Variants in MSI2 observed in about 807,000 individuals in gnomAD.
MSI2 encodes RNA-binding protein Musashi homolog 2.
In MSI2, 17 loss-of-function variants were observed where a neutral mutation model predicts 45.6. That is an observed-to-expected ratio of 0.37 (90% confidence interval 0.26 to 0.56). MSI2 has a LOEUF of 0.56. Among genes scored for constraint, MSI2 ranks in the 20% least tolerant of loss-of-function variants. The pLI, the probability that MSI2 is intolerant of heterozygous loss-of-function variation, is 0.77. For synonymous variants in MSI2, 156 were observed against 158.2 expected (o/e 0.99, Z 0.11); for missense variants, 293 against 444.2 (o/e 0.66, Z 3.06).
intron 3 of MSI2, 56 bp downstream of exon 3, chr17:57,257,603 T>G: frequency 7.6e-7 from 1 of 1,309,398 alleles, no homozygotes; most frequent in Non-Finnish European, 1.1e-6. Flanking sequence ...TTAAGTTTTA[T>G]TTTTGGAGGT....
intron 5 of MSI2, among the ~76,000 whole-genome samples, chr17:57,304,510 C>T (rs950740918): frequency 1.5e-4 from 23 of 150,638 alleles, no homozygotes; most frequent in Non-Finnish European, 2.1e-4. Flanking sequence ...GCAGCCTCCA[C>T]CTCCCCGGTT....
intron 6 of MSI2, among the ~76,000 whole-genome samples, chr17:57,526,356 G>GGTGGGT (rs1555618737): frequency 1.6e-5 from 2 of 122,562 alleles, no homozygotes; most frequent in Non-Finnish European, 3.4e-5. Context: ...GATATACCTG[G>GGTGGGT]GTGTGTGTGT....
intron 6 of MSI2, among the ~76,000 whole-genome samples, chr17:57,425,322 G>A (rs918910829): frequency 3.3e-5 from 5 of 152,120 alleles, no homozygotes; most frequent in Non-Finnish European, 5.9e-5. Context: ...GTTTAAAAAC[G>A]AAAAGACATA....
In MSI2 at chr17:57,684,305, G is replaced by A. The variant is rs959410459; in HGVS notation, c.*4788G>A. 69 of 196,890 alleles carry A rather than the reference G, an allele frequency of 3.5e-4. No individual in the cohort carries two copies. Among genetic ancestry groups the A allele is most frequent in the Middle Eastern group, 1.7e-3 (1 of 598 alleles). 12.2% of individuals were successfully genotyped at this position (196,890 alleles called of 1,614,324 possible). A position where few individuals can be genotyped will look rare whatever the true frequency, so the allele number is the denominator to read the frequency against. On this transcript the variant is annotated 3_prime_UTR_variant, in exon 14 of 14. Transcript: ENST00000284073. ...TATGTAATAGGATGCAAGTCTAAGCGTTTCATGTGGACATAAATGTATCTA... is the reference window on the plus strand; with the variant it reads ...TATGTAATAGGATGCAAGTCTAAGCATTTCATGTGGACATAAATGTATCTA...
chr17:57,341,060 G>A (rs771325840), intron 5 of MSI2, among the ~76,000 whole-genome samples: 7 of 152,200 alleles, frequency 4.6e-5, no homozygotes, highest in Non-Finnish European at 8.8e-5. Context: ...CAGGGCTGGT[G>A]TGAGAGAGCT....
the MSI2 span, among the ~76,000 whole-genome samples, chr17:57,694,840 C>G: frequency 1.3e-5 from 2 of 152,162 alleles, no homozygotes; most frequent in Non-Finnish European, 2.9e-5. Flanking sequence ...GCTTAACTCA[C>G]CCCTGGTCCT....
chr17:57,319,082 C>A (rs1012391507), intron 5 of MSI2, among the ~76,000 whole-genome samples: 1 of 152,212 alleles, frequency 6.6e-6, no homozygotes, highest in African/African-American at 2.4e-5. Flanking sequence ...CTCTTCTGAG[C>A]TGGTGATGGG....
At chr17:57,424,470 T>G (rs7216334) in intron 6 of MSI2, among the ~76,000 whole-genome samples, 143,980 of 152,298 alleles carry the variant, frequency 0.95, 68,575 homozygotes, top group South Asian at 1. Context: ...TGACTTGCGG[T>G]TTCCCTCTTT....
In MSI2 at chr17:57,339,946, G is replaced by A. The variant is rs553830904; in HGVS notation, c.313-61433G>A. ...GGCGGTCCCTCAGAAGCTCATCAGT[G>A]ACCGGGAATGGAACTGACTGCTATA... On this transcript the variant is annotated intron_variant, in intron 5 of 13. Coordinates refer to ENST00000284073, the MANE Select transcript of MSI2 (RefSeq NM_138962.4). 2.0e-5 allele frequency among the ~76,000 whole-genome samples: 3 copies of A among 152,272 alleles called. No individual in the cohort carries two copies. The South Asian group carries it at 6.2e-4, about 32-fold the overall frequency.
chr17:57,699,180 A>AGT, the MSI2 span, among the ~76,000 whole-genome samples: 24 of 12,406 alleles, frequency 1.9e-3, 3 homozygotes, highest in African/African-American at 6.8e-3. Flanking sequence ...AGAGAGAGAG[A>AGT]GAGTGTGTGT....
chr17:57,569,004 T>TA (rs1449376721), intron 7 of MSI2, among the ~76,000 whole-genome samples: 1 of 151,938 alleles, frequency 6.6e-6, no homozygotes, highest in Non-Finnish European at 1.5e-5. Context: ...TAGCCTCTTT[T>TA]AAAAATTTTT....
chr17:57,372,196 C>T (rs551095631), intron 5 of MSI2, among the ~76,000 whole-genome samples: 2 of 152,318 alleles, frequency 1.3e-5, no homozygotes, highest in East Asian at 3.9e-4. Context: ...AAACAGCCCT[C>T]TTCAGTGTAG....
At chr17:57,370,483 T>A (rs999604570) in intron 5 of MSI2, among the ~76,000 whole-genome samples, 1 of 152,204 alleles carries the variant, frequency 6.6e-6, no homozygotes, top group African/African-American at 2.4e-5. Context: ...ATCTGTGGCC[T>A]CTGTTGCTCT....
At chr17:57,351,851 T>TCA (rs1367668500) in intron 5 of MSI2, among the ~76,000 whole-genome samples, 21 of 152,210 alleles carry the variant, frequency 1.4e-4, no homozygotes, top group African/African-American at 4.6e-4. Flanking sequence ...TGAGACTGTG[T>TCA]CACACACACA....
At chr17:57,503,803 C>T (rs148265444) in intron 6 of MSI2, among the ~76,000 whole-genome samples, 2,307 of 152,266 alleles carry the variant, frequency 0.015, 63 homozygotes, top group African/African-American at 0.052. Flanking sequence ...GGAGTGCAGT[C>T]GCGCAATCGC....
intron 6 of MSI2, among the ~76,000 whole-genome samples, chr17:57,475,755 G>C (rs2085524906): frequency 6.6e-6 from 1 of 151,988 alleles, no homozygotes; most frequent in South Asian, 2.1e-4. Context: ...ATAGGAGCTA[G>C]TGAGAAAAGA....
At chr17:57,597,332 T>G (rs1053974894) in intron 8 of MSI2, among the ~76,000 whole-genome samples, 2 of 151,434 alleles carry the variant, frequency 1.3e-5, no homozygotes, top group African/African-American at 4.8e-5. Flanking sequence ...TTTTAACCAC[T>G]TAAAATGTAA....
chr17:57,679,732 C>A lies in MSI2; in HGVS notation c.*215C>A. On this transcript the variant is annotated 3_prime_UTR_variant, in exon 14 of 14. Coordinates refer to ENST00000284073, the MANE Select transcript of MSI2 (RefSeq NM_138962.4). ...AATCTGCTGTAATATAAGACAACAG[C>A]TTTTAAATGTGTATATAACCCATGA... 1 of 460,200 alleles carries A rather than the reference C, an allele frequency of 2.2e-6. No individual in the cohort carries two copies. Among genetic ancestry groups the A allele is most frequent in the South Asian group, 1.0e-4 (1 of 9,938 alleles). 28.5% of individuals were successfully genotyped at this position (460,200 alleles called of 1,614,324 possible). A position where few individuals can be genotyped will look rare whatever the true frequency, so the allele number is the denominator to read the frequency against.
intron 6 of MSI2, among the ~76,000 whole-genome samples, chr17:57,491,435 G>T (rs936764091): frequency 2.0e-5 from 3 of 152,222 alleles, no homozygotes; most frequent in African/African-American, 7.2e-5. Flanking sequence ...CTGGAAAGCA[G>T]CCCAGGAGGA....
Sources: gnomAD v4.1 joint callset for allele counts (sites outside exome capture counted in the v4.1 genomes callset) on GRCh38, gnomAD v4.1.1 for gene constraint, MANE v1.5 for transcripts, NCBI Gene and HGNC (gene_info 2026-07-23, HGNC 2026-07-21) for gene names.